FTO: variants seen among roughly 807,000 people sequenced by gnomAD.
The protein encoded by FTO is FTO alpha-ketoglutarate dependent dioxygenase, also known as alpha-ketoglutarate-dependent dioxygenase FTO.
In FTO, 47 loss-of-function variants were observed where a neutral mutation model predicts 63.9. The ratio of observed to expected loss-of-function variants is 0.74; its 90% CI spans 0.58 to 0.94. The LOEUF (loss-of-function observed/expected upper bound fraction) is 0.94, where lower values mean the gene tolerates loss of function less well. Ranked by LOEUF, FTO falls within the 40% of genes least tolerant of loss-of-function variation. The pLI is 0.00. For synonymous variants in FTO, 207 were observed against 224.4 expected, an observed-to-expected ratio of 0.92 and a Z score of 0.69; for missense variants, 562 against 618.1, an observed-to-expected ratio of 0.91 and a Z score of 0.96.
At chr16:54,071,052 A>C (rs933739373) in intron 8 of FTO, 10 of 152,214 alleles carry the variant, frequency 6.6e-5, no homozygotes, top group African/African-American at 1.4e-4. Flanking sequence ...CATAGCTGTC[A>C]CCCCAAGTTA....
At chr16:54,041,663 C>T (rs2085078806) in intron 8 of FTO, among the ~76,000 whole-genome samples, 1 of 152,140 alleles carries the variant, frequency 6.6e-6, no homozygotes, top group Non-Finnish European at 1.5e-5. Context: ...AAAGGTGAGG[C>T]TTTCCTGGGC....
intron 8 of FTO, among the ~76,000 whole-genome samples, chr16:53,944,937 A>G (rs182941855): frequency 2.2e-4 from 33 of 152,268 alleles, no homozygotes; most frequent in Non-Finnish European, 4.0e-4. Context: ...TGATATTGCA[A>G]AATTGGTGCA....
chr16:53,801,197 T>G (rs2078209672), intron 1 of FTO, among the ~76,000 whole-genome samples: 1 of 152,092 alleles, frequency 6.6e-6, no homozygotes, highest in African/African-American at 2.4e-5. Flanking sequence ...TTTTTATAAT[T>G]CCATTTTATC....
At chr16:53,843,878 C>T (rs1029113917) in intron 3 of FTO, among the ~76,000 whole-genome samples, 2 of 151,590 alleles carry the variant, frequency 1.3e-5, no homozygotes, top group Non-Finnish European at 2.9e-5. Context: ...CTTGAATGCC[C>T]GACTTTAAGT....
chr16:54,091,128 G>C (rs708250), intron 8 of FTO, among the ~76,000 whole-genome samples: 1 of 152,112 alleles, frequency 6.6e-6, no homozygotes, highest in East Asian at 1.9e-4. Flanking sequence ...GGTGTGGTCC[G>C]TTGGAGGCCA....
intron 4 of FTO, among the ~76,000 whole-genome samples, chr16:53,853,005 AT>A (rs1219384674): frequency 6.6e-6 from 1 of 152,178 alleles, no homozygotes; most frequent in East Asian, 1.9e-4. Flanking sequence ...TTAAAAAATC[AT>A]TTTAGGCTAG....
chr16:53,883,640 A>AAAAAAAAAAAAAC (rs1567396651), intron 6 of FTO, among the ~76,000 whole-genome samples: 2 of 150,196 alleles, frequency 1.3e-5, no homozygotes, highest in Admixed American at 6.7e-5. Context: ...AAAAAACAAA[A>AAAAAAAAAAAAAC]AAAAAAAAAC....
At chr16:53,880,483 C>G (rs1377514604) in intron 6 of FTO, among the ~76,000 whole-genome samples, 2 of 152,164 alleles carry the variant, frequency 1.3e-5, no homozygotes, top group Non-Finnish European at 2.9e-5. Context: ...CGAACTTATT[C>G]TGTTCAGGCT....
At chr16:53,847,889 C>T (rs2079678412) in intron 4 of FTO, among the ~76,000 whole-genome samples, 1 of 151,768 alleles carries the variant, frequency 6.6e-6, no homozygotes, top group Non-Finnish European at 1.5e-5. Context: ...AGCTATTGTA[C>T]ATGATAAACA....
rs1223992408 is a variant in FTO at position 53,987,106 on chromosome 16, T to C, written c.1364+52997T>C. On this transcript the variant is annotated intron_variant, in intron 8 of 8. Transcript: ENST00000471389. Reference sequence around the variant, plus strand: ...GCAGAAACAAAATCGTGCCAGTCGCTGGAATACGTCTTGCTCTAAAAAAAT... The same window carrying C: ...GCAGAAACAAAATCGTGCCAGTCGCCGGAATACGTCTTGCTCTAAAAAAAT... 2.0e-5 allele frequency among the ~76,000 whole-genome samples: 3 copies of C among 152,102 alleles called. No individual in the cohort carries two copies. In the East Asian group the frequency reaches 5.8e-4, roughly 29 times the overall value.
At chr16:54,009,392 A>C (rs1465645696) in intron 8 of FTO, among the ~76,000 whole-genome samples, 1 of 152,238 alleles carries the variant, frequency 6.6e-6, no homozygotes, top group African/African-American at 2.4e-5. Context: ...AACTACTCTT[A>C]AAATGTGTAA....
chr16:53,905,183 G>C (rs1056730146), intron 7 of FTO, among the ~76,000 whole-genome samples: 1 of 152,026 alleles, frequency 6.6e-6, no homozygotes, highest in African/African-American at 2.4e-5. Flanking sequence ...GTTGCTGGCT[G>C]TATGACCCAT....
At chr16:54,109,651 A>C (rs1196986855) in intron 8 of FTO, among the ~76,000 whole-genome samples, 1 of 152,202 alleles carries the variant, frequency 6.6e-6, no homozygotes, top group Non-Finnish European at 1.5e-5. Context: ...TCCTTTGATG[A>C]GAAGAACAAC....
At chr16:53,809,172 A>G (rs1247037591) in intron 1 of FTO, among the ~76,000 whole-genome samples, 2 of 152,210 alleles carry the variant, frequency 1.3e-5, no homozygotes, top group East Asian at 3.8e-4. Flanking sequence ...GGGAAAACAT[A>G]GTCTCTTGAA....
chr16:53,929,413 T>G (rs1053439882), intron 7 of FTO, among the ~76,000 whole-genome samples: 2 of 152,220 alleles, frequency 1.3e-5, no homozygotes, highest in African/African-American at 4.8e-5. Flanking sequence ...GTTGTATGGA[T>G]GTACCACCGT....
At chr16:54,021,860 G>C (rs550606189) in intron 8 of FTO, among the ~76,000 whole-genome samples, 1 of 152,184 alleles carries the variant, frequency 6.6e-6, no homozygotes, top group Admixed American at 6.5e-5. Context: ...AAAATTAGGA[G>C]CCTTTAAAAT....
At chr16:53,969,555 G>A (rs2083271909) in intron 8 of FTO, among the ~76,000 whole-genome samples, 1 of 152,178 alleles carries the variant, frequency 6.6e-6, no homozygotes, top group Non-Finnish European at 1.5e-5. Context: ...GGTAGTTTGT[G>A]CTTTTTTTGT....
At chr16:53,994,977 G>A (rs1005276855) in intron 8 of FTO, among the ~76,000 whole-genome samples, 3 of 152,028 alleles carry the variant, frequency 2.0e-5, no homozygotes, top group Non-Finnish European at 2.9e-5. Context: ...CAAGTGATCC[G>A]CCCGTCTCGG....
chr16:54,020,839 G>T (rs929345863), intron 8 of FTO, among the ~76,000 whole-genome samples: 1 of 152,140 alleles, frequency 6.6e-6, no homozygotes, highest in South Asian at 2.1e-4. Context: ...GGGCATGGTG[G>T]CACATGCCTG....
Sources: allele counts gnomAD v4.1 joint callset (sites outside exome capture counted in the v4.1 genomes callset), GRCh38; gene constraint gnomAD v4.1.1; transcripts MANE v1.5; gene names NCBI Gene and HGNC (gene_info 2026-07-23, HGNC 2026-07-21).